NBEAL1: variants seen among roughly 807,000 people sequenced by gnomAD.
NBEAL1 encodes neurobeachin like 1, also known as neurobeachin-like protein 1.
Under a neutral mutation model 351.3 loss-of-function variants are expected in NBEAL1, and 273 were observed. The ratio of observed to expected loss-of-function variants is 0.78; its 90% CI spans 0.70 to 0.86. NBEAL1 has a LOEUF of 0.86. NBEAL1 is among the 40% of genes least tolerant of loss of function. The pLI, the probability that NBEAL1 is intolerant of heterozygous loss-of-function variation, is 0.00. For synonymous variants in NBEAL1, 1,050 were observed against 1,086.4 expected, an observed-to-expected ratio of 0.97 and a Z score of 0.66; for missense variants, 2,961 against 3,201.3, an observed-to-expected ratio of 0.92 and a Z score of 1.81.
intron 2 of NBEAL1, among the ~76,000 whole-genome samples, chr2:203,027,789 A>G (rs1468193591): frequency 1.3e-5 from 2 of 152,116 alleles, no homozygotes; most frequent in Non-Finnish European, 2.9e-5. Flanking sequence ...GTAGCTCCCT[A>G]TAACCTTGGA....
At chr2:203,153,627 G>T (rs1007811109) in intron 35 of NBEAL1, among the ~76,000 whole-genome samples, 3 of 152,048 alleles carry the variant, frequency 2.0e-5, no homozygotes, top group Non-Finnish European at 4.4e-5. Context: ...AACTTTGAGT[G>T]TTATCTTACA....
chr2:203,076,589 C>CTT (rs369481909), intron 7 of NBEAL1, among the ~76,000 whole-genome samples: 2,114 of 109,138 alleles, frequency 0.019, 147 homozygotes, highest in African/African-American at 0.052. Flanking sequence ...GTACTATGTA[C>CTT]TTTTTTTTTT....
chr2:203,167,356 A>C lies in NBEAL1; in HGVS notation c.5993A>C (p.Lys1998Thr), dbSNP rs765283612. 3 of 1,609,368 alleles carry C rather than the reference A, an allele frequency of 1.9e-6. No homozygotes were observed. The Admixed American group carries it at 5.1e-5, about 27-fold the overall frequency. ...DQSNYFLNFK[K>T]EVRNKIYSRL... is the part of the protein sequence containing the mutation. ...TCCAACTACTTTCTCAATTTCAAAAAAGAGGTATGTATTATGGTTTCAGGA... is the reference window on the plus strand; with the variant it reads ...TCCAACTACTTTCTCAATTTCAAAACAGAGGTATGTATTATGGTTTCAGGA... Residue 1998 changes from lysine to threonine, a missense_variant, in exon 38 of 56, where the codon AAA becomes ACA. Lys to Thr is a moderately conservative substitution (Grantham distance 78). Coordinates refer to ENST00000683969, the MANE Select transcript of NBEAL1 (RefSeq NM_001378026.1).
intron 33 of NBEAL1, among the ~76,000 whole-genome samples, chr2:203,146,238 T>C (rs1443016672): frequency 6.6e-6 from 1 of 152,104 alleles, no homozygotes; most frequent in Non-Finnish European, 1.5e-5. Context: ...TAAAGAAATA[T>C]AATTTATAGT....
At chr2:203,139,737 G>T (rs2063319977) in intron 31 of NBEAL1, among the ~76,000 whole-genome samples, 1 of 150,944 alleles carries the variant, frequency 6.6e-6, no homozygotes, top group African/African-American at 2.4e-5. Context: ...GCAAATTTTT[G>T]TGTGTTTTTA....
chr2:203,048,252 C>CGT (rs2061263270), intron 3 of NBEAL1, among the ~76,000 whole-genome samples: 1 of 151,614 alleles, frequency 6.6e-6, no homozygotes, highest in African/African-American at 2.4e-5. Flanking sequence ...TGTGGTGGCA[C>CGT]GTGCCTGTAA....
At chr2:203,141,363 ATTATTTTTTTTTTTTTTT>A (rs1249158835) in intron 31 of NBEAL1, among the ~76,000 whole-genome samples, 2 of 17,488 alleles carry the variant, frequency 1.1e-4, no homozygotes, top group African/African-American at 3.0e-4. Flanking sequence ...TATTATTATT[ATTATTTTTTTTTTTTTTT>A]TTTTTTTTTT....
chr2:203,099,678 T>C lies in NBEAL1; in HGVS notation c.1235T>C (p.Leu412Ser), dbSNP rs2062267625. 4 of 1,551,814 alleles carry C rather than the reference T, an allele frequency of 2.6e-6. No homozygotes were observed. In the South Asian group the frequency reaches 4.8e-5, roughly 18 times the overall value. Residue 412 changes from leucine (L) to serine (S), a missense_variant, in exon 12 of 56, where the codon TTG becomes TCG. Leu to Ser is a moderately radical substitution (Grantham distance 145). Coordinates refer to ENST00000683969, the MANE Select transcript of NBEAL1 (RefSeq NM_001378026.1). Reference protein sequence around the residue: ...DCLAISTIQALTAVMNKSPAA... With the variant: ...DCLAISTIQASTAVMNKSPAA... Reference sequence around the variant, plus strand: ...TTGGCCATATCAACCATTCAGGCTTTGACCGCAGTAATGAACAAATCTCCA... The same window carrying C: ...TTGGCCATATCAACCATTCAGGCTTCGACCGCAGTAATGAACAAATCTCCA...
At chr2:203,153,302 ATTTTTT>A (rs5837843) in intron 35 of NBEAL1, among the ~76,000 whole-genome samples, 3 of 124,152 alleles carry the variant, frequency 2.4e-5, no homozygotes, top group South Asian at 2.7e-4. Flanking sequence ...CATGCCCAGC[ATTTTTT>A]TTTTTTTTTT....
chr2:203,179,535 T>C (rs1186123948), intron 42 of NBEAL1, among the ~76,000 whole-genome samples: 1 of 152,024 alleles, frequency 6.6e-6, no homozygotes, highest in Non-Finnish European at 1.5e-5. Context: ...AATATTAAAA[T>C]AAGACAATAG....
chr2:203,170,503 C>T (rs1011503234), intron 39 of NBEAL1, among the ~76,000 whole-genome samples: 1 of 152,102 alleles, frequency 6.6e-6, no homozygotes, highest in Admixed American at 6.6e-5. Context: ...TGAATTAATG[C>T]TCTCATGAAT....
At chr2:203,190,716 G>A (rs2065046018) in intron 46 of NBEAL1, 2 of 1,584,044 alleles carry the variant, frequency 1.3e-6, no homozygotes, top group Non-Finnish European at 1.7e-6. Flanking sequence ...CTCGGAGGAG[G>A]CCAAGGTGCA....
At chr2:203,125,243 C>T in intron 19 of NBEAL1, 109 bp from the exon 20 acceptor site, 1 of 787,374 alleles carries the variant, frequency 1.3e-6, no homozygotes, top group Non-Finnish European at 1.8e-6. Context: ...TTATCCTGTA[C>T]ATTGCTCAAA....
intron 17 of NBEAL1, among the ~76,000 whole-genome samples, chr2:203,114,622 T>C (rs1009820320): frequency 1.2e-4 from 19 of 152,246 alleles, no homozygotes; most frequent in Admixed American, 2.0e-4. Flanking sequence ...TTAAGAGTTA[T>C]GTAACTGCAG....
chr2:203,017,583 T>A (rs1224063141), intron 2 of NBEAL1, among the ~76,000 whole-genome samples: 1 of 152,154 alleles, frequency 6.6e-6, no homozygotes, highest in African/African-American at 2.4e-5. Context: ...ACTAACACGT[T>A]AACCAAAAAT....
At chr2:203,063,350 A>C (rs2061529965) in intron 6 of NBEAL1, among the ~76,000 whole-genome samples, 1 of 149,954 alleles carries the variant, frequency 6.7e-6, no homozygotes, top group Non-Finnish European at 1.5e-5. Context: ...TGGGAGGCTG[A>C]GGTGAGAGGA....
At position 203,183,267 on chromosome 2, in the gene NBEAL1, T is replaced by C. The variant is rs760279945; in HGVS notation, c.6596-12T>C. Reference sequence around the variant, plus strand: ...AAAATGATTTGATACATTTTCTTTTTACATGTCTTAGAATTTAACTTGGGT... The same window carrying C: ...AAAATGATTTGATACATTTTCTTTTCACATGTCTTAGAATTTAACTTGGGT... On this transcript the variant is annotated splice_polypyrimidine_tract_variant and intron_variant, in intron 43 of 55. Transcript: ENST00000683969. 1.8e-5 allele frequency: 26 copies of C among 1,423,226 alleles called. No individual in the cohort carries two copies. In the African/African-American group the frequency reaches 3.3e-4, roughly 18 times the overall value. The allele number at this position is 1,423,226 out of a possible 1,614,324, so 88.2% of individuals were successfully genotyped here. A position where few individuals can be genotyped will look rare whatever the true frequency, so the allele number is the denominator to read the frequency against.
chr2:203,215,470 C>G (rs1404507667), intron 55 of NBEAL1, among the ~76,000 whole-genome samples: 3 of 152,082 alleles, frequency 2.0e-5, no homozygotes, highest in Admixed American at 2.0e-4. Flanking sequence ...GATTGTGCCA[C>G]TGCACTCCAG....
chr2:203,172,804 A>C lies in NBEAL1; in HGVS notation c.6274A>C (p.Lys2092Gln), dbSNP rs2064365332. 1 of 1,612,544 alleles carries C rather than the reference A, an allele frequency of 6.2e-7. No homozygotes were observed. Among genetic ancestry groups the C allele is most frequent in the East Asian group, 2.2e-5 (1 of 44,722 alleles). Reference protein sequence around the residue: ...NNPAVFRDLSKPIGVVNEKNA... With the variant: ...NNPAVFRDLSQPIGVVNEKNA... ...CCCTGCTGTATTTCGAGATCTTTCC[A>C]AACCAATTGGGGTAGTTAATGAAAA... The change falls in exon 41 of 56, where the codon AAA (lysine) becomes CAA (glutamine). Residue 2092 changes from lysine (K) to glutamine (Q), a missense_variant. Lys to Gln is a moderately conservative substitution (Grantham distance 53). Coordinates refer to ENST00000683969, the MANE Select transcript of NBEAL1 (RefSeq NM_001378026.1).
Sources: gnomAD v4.1 joint callset for allele counts (sites outside exome capture counted in the v4.1 genomes callset) on GRCh38, gnomAD v4.1.1 for gene constraint, MANE v1.5 for transcripts, NCBI Gene and HGNC (gene_info 2026-07-23, HGNC 2026-07-21) for gene names.